MAP4K3: variants seen among roughly 807,000 people sequenced by gnomAD.
The protein encoded by MAP4K3 is MAPK/ERK kinase kinase kinase 3.
MAP4K3 carries 94 observed loss-of-function variants against 143.5 expected under a neutral mutation model. The ratio of observed to expected loss-of-function variants is 0.65; its 90% CI spans 0.55 to 0.78. The LOEUF (loss-of-function observed/expected upper bound fraction) is 0.78. MAP4K3 is among the 30% of genes least tolerant of loss of function. The pLI, the probability that MAP4K3 is intolerant of heterozygous loss-of-function variation, is 0.00. For synonymous variants in MAP4K3, 416 were observed against 347.2 expected (o/e 1.20, Z -2.20); for missense variants, 1,077 against 1,068.1 (o/e 1.01, Z -0.12).
chr2:39,297,015 G>A (rs1016971038), intron 16 of MAP4K3, among the ~76,000 whole-genome samples: 16 of 152,114 alleles, frequency 1.1e-4, no homozygotes, highest in African/African-American at 3.9e-4. Context: ...GCCAGGAATT[G>A]TGTAATTCAA....
At chr2:39,329,553 G>C (rs1204310348) in intron 8 of MAP4K3, among the ~76,000 whole-genome samples, 2 of 152,198 alleles carry the variant, frequency 1.3e-5, no homozygotes, top group East Asian at 3.8e-4. Context: ...TAGTAGGGTT[G>C]AGGTTGGGCT....
chr2:39,254,570 T>A, intron 31 of MAP4K3, 50 bp from the exon 32 acceptor site: 4 of 1,392,428 alleles, frequency 2.9e-6, no homozygotes, highest in Non-Finnish European at 4.1e-6. Flanking sequence ...AAAGTTCAAC[T>A]GATAAGCATC....
At chr2:39,285,132 T>C (rs185659356) in intron 21 of MAP4K3, among the ~76,000 whole-genome samples, 1 of 152,204 alleles carries the variant, frequency 6.6e-6, no homozygotes, top group African/African-American at 2.4e-5. Flanking sequence ...TCTCAAGTGA[T>C]CCCCTTGCCT....
At chr2:39,403,795 C>T (rs1198150457) in intron 1 of MAP4K3, among the ~76,000 whole-genome samples, 2 of 150,992 alleles carry the variant, frequency 1.3e-5, no homozygotes, top group African/African-American at 4.9e-5. Context: ...CTCCCCTAAC[C>T]CCAGCTAGTG....
intron 1 of MAP4K3, among the ~76,000 whole-genome samples, chr2:39,418,348 TATCCATAC>T (rs961582903): frequency 6.6e-6 from 1 of 151,962 alleles, no homozygotes; most frequent in Non-Finnish European, 1.5e-5. Flanking sequence ...ATAAAATAAA[TATCCATAC>T]ATCCATACTA....
At chr2:39,392,836 G>A (rs1305496431) in intron 1 of MAP4K3, among the ~76,000 whole-genome samples, 1 of 152,142 alleles carries the variant, frequency 6.6e-6, no homozygotes, top group Non-Finnish European at 1.5e-5. Context: ...TTCTGCCATG[G>A]GATGACACAG....
At chr2:39,260,952 C>T (rs1181424006) in intron 28 of MAP4K3, 175 bp from the exon 29 acceptor site, 6 of 532,178 alleles carry the variant, frequency 1.1e-5, no homozygotes, top group East Asian at 3.2e-5. Context: ...GGTTTACCAC[C>T]GCAAAATATT....
chr2:39,274,510 G>A (rs148140164), intron 24 of MAP4K3, among the ~76,000 whole-genome samples: 10 of 152,232 alleles, frequency 6.6e-5, no homozygotes, highest in South Asian at 6.2e-4. Flanking sequence ...ATGAGCCATC[G>A]CGCCTGACCC....
chr2:39,329,482 A>G (rs1683613999), intron 8 of MAP4K3, among the ~76,000 whole-genome samples: 1 of 152,242 alleles, frequency 6.6e-6, no homozygotes, highest in Non-Finnish European at 1.5e-5. Context: ...AACAACAACT[A>G]GCAGCCAATG....
At chr2:39,361,468 A>T (rs1249869035) in intron 2 of MAP4K3, among the ~76,000 whole-genome samples, 1 of 151,950 alleles carries the variant, frequency 6.6e-6, no homozygotes, top group Non-Finnish European at 1.5e-5. Flanking sequence ...AGGCGGTATA[A>T]ACAGTAGAAA....
chr2:39,292,038 TAAAAA>T (rs562147179), intron 18 of MAP4K3, among the ~76,000 whole-genome samples: 83 of 143,736 alleles, frequency 5.8e-4, no homozygotes, highest in Non-Finnish European at 9.8e-4. Context: ...GCATCTTTAT[TAAAAA>T]AAAAAAAGTA....
chr2:39,428,413 C>T (rs1347900213), intron 1 of MAP4K3, among the ~76,000 whole-genome samples: 1 of 152,232 alleles, frequency 6.6e-6, no homozygotes, highest in Non-Finnish European at 1.5e-5. Context: ...GTGGCTCACG[C>T]CTGTAATCCC....
chr2:39,328,771 TG>T (rs1357236074), intron 8 of MAP4K3, among the ~76,000 whole-genome samples: 1 of 152,166 alleles, frequency 6.6e-6, no homozygotes, highest in African/African-American at 2.4e-5. Flanking sequence ...GGGGTGTGTG[TG>T]GTTTGCATTA....
intron 1 of MAP4K3, among the ~76,000 whole-genome samples, chr2:39,395,294 G>A (rs1450373320): frequency 6.6e-6 from 1 of 150,436 alleles, no homozygotes; most frequent in African/African-American, 2.5e-5. Flanking sequence ...CATAAAAAGT[G>A]GATTTTACCA....
At chr2:39,390,153 G>A (rs142895864) in intron 1 of MAP4K3, among the ~76,000 whole-genome samples, 26 of 152,288 alleles carry the variant, frequency 1.7e-4, no homozygotes, top group Middle Eastern at 3.4e-3. Flanking sequence ...TTGGAAATGT[G>A]GAGGGACATT....
rs542643417 is a variant in MAP4K3 at position 39,415,383 on chromosome 2, A to G, written c.96+21509T>C. On this transcript the variant is annotated intron_variant, in intron 1 of 33. Coordinates refer to ENST00000263881, the MANE Select transcript of MAP4K3 (RefSeq NM_003618.4). ...TTTTGCACTTATTGGTGCACAAGTA[A>G]GTAAGTACAATCTAGTTTCAATTTA... Among the ~76,000 whole-genome samples, 3 of 152,358 alleles carry G rather than the reference A, an allele frequency of 2.0e-5. No homozygotes were observed. In the East Asian group the frequency reaches 5.8e-4, roughly 29 times the overall value.
intron 1 of MAP4K3, among the ~76,000 whole-genome samples, chr2:39,415,377 CAAGT>C (rs138813380): frequency 0.02 from 2,993 of 152,106 alleles, 95 homozygotes; most frequent in African/African-American, 0.069. Context: ...TATTGGTGCA[CAAGT>C]AAGTAAGTAC....
At chr2:39,408,917 C>T (rs1667165263) in intron 1 of MAP4K3, among the ~76,000 whole-genome samples, 1 of 152,192 alleles carries the variant, frequency 6.6e-6, no homozygotes, top group Admixed American at 6.5e-5. Flanking sequence ...ATGATACAGG[C>T]ACTGAAACTA....
chr2:39,401,203 T>C lies in MAP4K3; in HGVS notation c.97-23080A>G, dbSNP rs1041130698. Among the ~76,000 whole-genome samples, 11 of 151,878 alleles carry C rather than the reference T, an allele frequency of 7.2e-5. 1 individual carries two copies. Among genetic ancestry groups the C allele is most frequent in the Admixed American group, 7.2e-4 (11 of 15,250 alleles). On this transcript the variant is annotated intron_variant, in intron 1 of 33. Transcript: ENST00000263881. The stretch of plus-strand genomic sequence containing the variant: ...CAGAGTACCAAAACAGAGACAACTA[T>C]ACAGACAGGAAGGGGAGGGGGGTGT...
Sources: allele counts gnomAD v4.1 joint callset (sites outside exome capture counted in the v4.1 genomes callset), GRCh38; gene constraint gnomAD v4.1.1; transcripts MANE v1.5; gene names NCBI Gene and HGNC (gene_info 2026-07-23, HGNC 2026-07-21).